CHL1: variants seen among roughly 807,000 people sequenced by gnomAD.
The protein encoded by CHL1 is neural cell adhesion molecule L1-like protein.
CHL1 carries 96 observed loss-of-function variants against 141.9 expected under a neutral mutation model. The ratio of observed to expected loss-of-function variants is 0.68; its 90% confidence interval spans 0.57 to 0.80. CHL1 has a LOEUF of 0.80. Among genes scored for constraint, CHL1 ranks in the 30% least tolerant of loss-of-function variants. The pLI is 0.00. For missense variants in CHL1, 1,820 were observed against 1,457.2 expected (o/e 1.25, Z -4.05); for synonymous variants, 613 against 502.2 (o/e 1.22, Z -2.95).
intron 1 of CHL1, among the ~76,000 whole-genome samples, chr3:200,613 T>C (rs1698837889): frequency 1.3e-5 from 2 of 152,214 alleles, no homozygotes; most frequent in Admixed American, 1.3e-4. Context: ...GAAAGCATAA[T>C]ATTCTTTCTG....
intron 2 of CHL1, chr3:246,592 C>G (rs1693192664): frequency 6.6e-6 from 1 of 151,930 alleles, no homozygotes; most frequent in African/African-American, 2.4e-5. Context: ...AAATTTCCTC[C>G]CAGAATACCC....
chr3:344,878 A>C (rs1490727282), intron 9 of CHL1, among the ~76,000 whole-genome samples, 169 bp downstream of exon 9: 1 of 152,162 alleles, frequency 6.6e-6, no homozygotes, highest in Non-Finnish European at 1.5e-5. Flanking sequence ...TATTCCAGGT[A>C]CTTAAGAGGC....
intron 2 of CHL1, among the ~76,000 whole-genome samples, chr3:285,039 G>C (rs1697006495): frequency 6.6e-6 from 1 of 152,138 alleles, no homozygotes. Flanking sequence ...ATGAAAGTAG[G>C]CTTATCCACT....
intron 1 of CHL1, among the ~76,000 whole-genome samples, chr3:209,321 T>G (rs17006137): frequency 0.019 from 2,894 of 152,246 alleles, 96 homozygotes; most frequent in African/African-American, 0.065. Flanking sequence ...TAAGACAAAA[T>G]AAGTTACATT....
At chr3:223,556 C>T (rs1701055359) in intron 1 of CHL1, among the ~76,000 whole-genome samples, 1 of 152,162 alleles carries the variant, frequency 6.6e-6, no homozygotes, top group South Asian at 2.1e-4. Context: ...TATGTATTTA[C>T]TGCAGTTGTT....
intron 1 of CHL1, among the ~76,000 whole-genome samples, chr3:206,734 G>A (rs910659033): frequency 6.6e-6 from 1 of 152,088 alleles, no homozygotes; most frequent in Non-Finnish European, 1.5e-5. Context: ...GCGTCTAATG[G>A]TCTGACTCTT....
At chr3:253,183 C>T (rs1693857599) in intron 2 of CHL1, among the ~76,000 whole-genome samples, 1 of 152,100 alleles carries the variant, frequency 6.6e-6, no homozygotes, top group African/African-American at 2.4e-5. Flanking sequence ...CTATATTTTA[C>T]ACATGGTAAA....
At chr3:389,580 G>A in intron 20 of CHL1, 106 bp downstream of exon 20, 1 of 824,908 alleles carries the variant, frequency 1.2e-6, no homozygotes, top group South Asian at 1.6e-5. Context: ...ATGCAAAGAG[G>A]ATGTACTAGC....
chr3:373,802 A>T (rs1385764294), intron 15 of CHL1: 2 of 152,400 alleles, frequency 1.3e-5, no homozygotes, highest in Non-Finnish European at 2.9e-5. Flanking sequence ...AAAGCTGGGT[A>T]GCACATTCAC....
In CHL1 at chr3:408,555, C is replaced by G. The variant is rs932092795; in HGVS notation, c.*2844C>G. On this transcript the variant is annotated 3_prime_UTR_variant, in exon 28 of 28. Transcript: ENST00000256509. ...TTTGAAAATGATAAAAGCTAAGATG[C>G]CTTCTAACTTCATAAGCAAACCTTT... 2.0e-5 allele frequency: 3 copies of G among 152,056 alleles called. No individual in the cohort carries two copies. Among genetic ancestry groups the G allele is most frequent in the African/African-American group, 7.2e-5 (3 of 41,428 alleles). The allele number at this position is 152,056 out of a possible 1,614,324, so 9.4% of individuals were successfully genotyped here. A position where few individuals can be genotyped will look rare whatever the true frequency, so the allele number is the denominator to read the frequency against.
At position 408,468 on chromosome 3, in the gene CHL1, T is replaced by C. The variant is rs995009079; in HGVS notation, c.*2757T>C. 2.0e-5 allele frequency: 3 copies of C among 152,126 alleles called. No individual in the cohort carries two copies. The highest frequency in any genetic ancestry group is 4.4e-5 in the Non-Finnish European group (3 of 68,020). The allele number at this position is 152,126 out of a possible 1,614,324, so 9.4% of individuals were successfully genotyped here. ...ATTTCAAACTCTCTCAACTCTAAAG[T>C]GCTAATAATAATCTCAGTTACCTTA... On this transcript the variant is annotated 3_prime_UTR_variant, in exon 28 of 28. Coordinates refer to ENST00000256509, the MANE Select transcript of CHL1 (RefSeq NM_006614.4).
At chr3:316,405 G>GCC (rs1223539084) in intron 2 of CHL1, among the ~76,000 whole-genome samples, 1 of 149,396 alleles carries the variant, frequency 6.7e-6, no homozygotes, top group Non-Finnish European at 1.5e-5. Flanking sequence ...TGTGGCTTTT[G>GCC]ATGGCAAAAA....
chr3:237,725 T>C (rs1424719613), intron 1 of CHL1, among the ~76,000 whole-genome samples: 1 of 152,248 alleles, frequency 6.6e-6, no homozygotes, highest in African/African-American at 2.4e-5. Flanking sequence ...ACATTAAAGG[T>C]ACTTGTATTA....
intron 5 of CHL1, among the ~76,000 whole-genome samples, chr3:338,084 T>C (rs1702070789): frequency 6.6e-6 from 1 of 152,162 alleles, no homozygotes; most frequent in Admixed American, 6.5e-5. Context: ...CAGGATGGTC[T>C]CGATCTCCTG....
intron 1 of CHL1, among the ~76,000 whole-genome samples, chr3:215,029 C>G (rs1291876089): frequency 6.6e-6 from 1 of 151,926 alleles, no homozygotes; most frequent in Non-Finnish European, 1.5e-5. Context: ...TGTGTTGAAT[C>G]CATTCTCTTA....
At chr3:293,086 G>C (rs1697847117) in intron 2 of CHL1, among the ~76,000 whole-genome samples, 1 of 152,128 alleles carries the variant, frequency 6.6e-6, no homozygotes, top group Non-Finnish European at 1.5e-5. Flanking sequence ...ACAGTTATTT[G>C]GATATAAATA....
chr3:365,348 A>G (rs4105570), intron 14 of CHL1, among the ~76,000 whole-genome samples: 1 of 151,966 alleles, frequency 6.6e-6, no homozygotes, highest in Non-Finnish European at 1.5e-5. Context: ...TCAAACTATC[A>G]CTCCCTGTAA....
At chr3:395,476 A>T (rs1474533855) in intron 24 of CHL1, among the ~76,000 whole-genome samples, 2 of 151,992 alleles carry the variant, frequency 1.3e-5, no homozygotes, top group African/African-American at 2.4e-5. Context: ...TTGCATCTCC[A>T]GTTATGATTT....
intron 2 of CHL1, among the ~76,000 whole-genome samples, chr3:245,640 T>C (rs1447245921): frequency 6.6e-6 from 1 of 152,180 alleles, no homozygotes; most frequent in Non-Finnish European, 1.5e-5. Context: ...TATTACTTGG[T>C]GCATGAAGAA....
Sources: gnomAD v4.1 joint callset for allele counts (sites outside exome capture counted in the v4.1 genomes callset) on GRCh38, gnomAD v4.1.1 for gene constraint, MANE v1.5 for transcripts, NCBI Gene and HGNC (gene_info 2026-07-23, HGNC 2026-07-21) for gene names.